Variants in PHYKPL observed in about 807,000 individuals in gnomAD.
PHYKPL encodes 5-phosphonooxy-L-lysine phospho-lyase.
In PHYKPL, 42 loss-of-function variants were observed where a neutral mutation model predicts 51.3. The ratio of observed to expected loss-of-function variants is 0.82; its 90% CI spans 0.64 to 1.06. PHYKPL has a LOEUF of 1.06. Among genes scored for constraint, PHYKPL ranks in the 50% least tolerant of loss-of-function variants. The pLI is 0.00. For missense variants in PHYKPL, 655 were observed against 586.6 expected (o/e 1.12, Z -1.20); for synonymous variants, 264 against 236.0 (o/e 1.12, Z -1.09).
In PHYKPL at chr5:178,215,020, G is replaced by GC. The variant is rs1759467044; in HGVS notation, c.1083-136_1083-135insG. 1.3e-5 allele frequency: 11 copies of GC among 864,978 alleles called. 1 individual carries two copies. The South Asian group carries it at 1.8e-4, about 14-fold the overall frequency. 53.6% of individuals were successfully genotyped at this position (864,978 alleles called of 1,614,324 possible). A position where few individuals can be genotyped will look rare whatever the true frequency, so the allele number is the denominator to read the frequency against. On this transcript the variant is annotated intron_variant, in intron 9 of 12. Coordinates refer to ENST00000308158, the MANE Select transcript of PHYKPL (RefSeq NM_153373.4). The stretch of plus-strand genomic sequence containing the variant: ...GCACCTTCAGAAGGTGGTGAGAATA[G>GC]TTTCAGGGAATAACTGGGCTGGGAG...
intron 3 of PHYKPL, among the ~76,000 whole-genome samples, chr5:178,229,012 T>C (rs1157655613): frequency 6.6e-6 from 1 of 152,088 alleles, no homozygotes; most frequent in African/African-American, 2.4e-5. Flanking sequence ...GTTCCTCAAG[T>C]GTGCTGGGTA....
At chr5:178,214,689 G>T in intron 10 of PHYKPL, 107 bp downstream of exon 10, 1 of 997,588 alleles carries the variant, frequency 1.0e-6, no homozygotes, top group Non-Finnish European at 1.5e-6. Context: ...CAAGTCTGTG[G>T]CCCAGAGTGC....
intron 10 of PHYKPL, among the ~76,000 whole-genome samples, chr5:178,213,581 A>G (rs748323223): frequency 2.0e-5 from 3 of 152,196 alleles, no homozygotes; most frequent in East Asian, 1.9e-4. Context: ...AAAATGTCCA[A>G]TTATTCTTAG....
intron 8 of PHYKPL, among the ~76,000 whole-genome samples, chr5:178,220,207 A>C (rs1760868816): frequency 6.6e-6 from 1 of 151,410 alleles, no homozygotes; most frequent in South Asian, 2.1e-4. Flanking sequence ...AAAAAAAAAA[A>C]AAAAAAGAAT....
At chr5:178,216,353 T>C (rs903457482) in intron 8 of PHYKPL, 7 of 152,210 alleles carry the variant, frequency 4.6e-5, no homozygotes, top group Non-Finnish European at 1.0e-4. Context: ...CTTGAGCCTC[T>C]GCAGAATGAG....
chr5:178,219,119 G>T (rs1208067328), intron 8 of PHYKPL, among the ~76,000 whole-genome samples: 1 of 152,122 alleles, frequency 6.6e-6, no homozygotes, highest in Non-Finnish European at 1.5e-5. Flanking sequence ...AAACATAAAT[G>T]AATATATTTT....
chr5:178,223,369 T>G, intron 6 of PHYKPL: 1 of 457,114 alleles, frequency 2.2e-6, no homozygotes, highest in Non-Finnish European at 4.4e-6. Flanking sequence ...TGCAGAGGTC[T>G]TCTAACTGAA....
At chr5:178,223,242 C>T in intron 6 of PHYKPL, 1 of 418,820 alleles carries the variant, frequency 2.4e-6, no homozygotes, top group Non-Finnish European at 4.6e-6. Context: ...CCTCCCTCAA[C>T]CCATCAGTCA....
At chr5:178,225,828 C>T (rs1029017891) in intron 3 of PHYKPL, 15 of 204,070 alleles carry the variant, frequency 7.4e-5, no homozygotes, top group Admixed American at 4.2e-4. Context: ...AGTTGGGTGT[C>T]CTCCAATTCA....
rs1763054678 is a variant in PHYKPL at position 178,229,986 on chromosome 5, C to G, written c.292G>C (p.Glu98Gln). The G allele has an allele frequency of 3.1e-6, 5 of 1,614,108 alleles. No individual in the cohort carries two copies. The highest frequency in any genetic ancestry group is 3.3e-5 in the Admixed American group (2 of 60,012). Residue 98 changes from glutamate to glutamine, a missense_variant, in exon 3 of 13, where the codon GAG becomes CAG. Physicochemically the swap from Glu to Gln is conservative, Grantham distance 29. Coordinates refer to ENST00000308158, the MANE Select transcript of PHYKPL (RefSeq NM_153373.4). ...NIVDYAQRLS[E>Q]TLPEQLCVFY... ...ACACAGAGCTGCTCCGGCAGGGTCTCTGACAGCCTCTGCGCATAGTCCACG... is the reference window on the plus strand; with the variant it reads ...ACACAGAGCTGCTCCGGCAGGGTCTGTGACAGCCTCTGCGCATAGTCCACG...
chr5:178,232,047 A>T, intron 1 of PHYKPL: 1 of 1,191,436 alleles, frequency 8.4e-7, no homozygotes, highest in Non-Finnish European at 1.1e-6. Context: ...GCTGCCTGTG[A>T]ACCGACTCCC....
At chr5:178,231,291 G>A (rs1426646206) in intron 2 of PHYKPL, 114 bp downstream of exon 2, 3 of 1,530,058 alleles carry the variant, frequency 2.0e-6, no homozygotes, top group Admixed American at 1.7e-5. Context: ...TACTGACAGT[G>A]CCTCAACTCC....
intron 8 of PHYKPL, among the ~76,000 whole-genome samples, chr5:178,219,191 AATG>A (rs1361594407): frequency 1.3e-5 from 2 of 151,996 alleles, no homozygotes; most frequent in Admixed American, 6.6e-5. Flanking sequence ...TATAAAACAA[AATG>A]ATAAGAGTTG....
chr5:178,221,408 G>A (rs1368206802), intron 8 of PHYKPL, among the ~76,000 whole-genome samples: 2 of 152,002 alleles, frequency 1.3e-5, no homozygotes, highest in Admixed American at 6.6e-5. Flanking sequence ...TCACAGCACC[G>A]TGAACACACT....
At chr5:178,224,847 GCCC>G (rs1761979729) in intron 4 of PHYKPL, 118 bp from the exon 5 acceptor site, 1 of 742,232 alleles carries the variant, frequency 1.3e-6, no homozygotes, top group South Asian at 1.9e-5. Flanking sequence ...TCCTGACAGA[GCCC>G]CCAAGTTCTT....
chr5:178,207,952 C>T (rs1757159995), downstream of PHYKPL, among the ~76,000 whole-genome samples: 1 of 152,108 alleles, frequency 6.6e-6, no homozygotes, highest in Non-Finnish European at 1.5e-5. Context: ...GTTGGGATTA[C>T]AGGCATGAAC....
chr5:178,215,888 C>A, intron 8 of PHYKPL: 1 of 156,214 alleles, frequency 6.4e-6, no homozygotes, highest in Admixed American at 6.5e-5. Context: ...TTTCCCTCGC[C>A]CACCCTGTCC....
intron 12 of PHYKPL, chr5:178,209,431 T>C (rs1485722552): frequency 6.2e-7 from 1 of 1,612,788 alleles, no homozygotes; most frequent in African/African-American, 1.3e-5. Flanking sequence ...GCAGCGGAGG[T>C]GGTGGTGGAG....
Position 178,224,633 on chromosome 5 carries a change from A to G in PHYKPL, c.501+9T>C, listed in dbSNP as rs1242581316. On this transcript the variant is annotated intron_variant, in intron 5 of 12. Transcript: ENST00000308158. ...GCACCGACCTGTTGTTGAGTTGGGC[A>G]GTGCATACCACGTGGACCCACTCCT... is the stretch of plus-strand genomic sequence containing the variant. The G allele has an allele frequency of 2.5e-6, 4 of 1,614,246 alleles. No individual in the cohort carries two copies. In the African/African-American group the frequency reaches 5.3e-5, roughly 22 times the overall value.
Sources: gnomAD v4.1 joint callset for allele counts (sites outside exome capture counted in the v4.1 genomes callset) on GRCh38, gnomAD v4.1.1 for gene constraint, MANE v1.5 for transcripts, NCBI Gene and HGNC (gene_info 2026-07-23, HGNC 2026-07-21) for gene names.